Variants in PTPRK observed in about 807,000 individuals in gnomAD.
The protein encoded by PTPRK is protein tyrosine phosphatase receptor type K.
A neutral mutation model predicts 178.0 loss-of-function variants in PTPRK; 75 were observed. That is an observed-to-expected ratio of 0.42 (90% CI 0.35 to 0.51). The LOEUF is 0.51. Ranked by LOEUF, PTPRK falls within the 20% of genes least tolerant of loss-of-function variation. The pLI, the probability that PTPRK is intolerant of heterozygous loss-of-function variation, is 0.02. For synonymous variants in PTPRK, 637 were observed against 620.6 expected, an observed-to-expected ratio of 1.03 and a Z score of -0.39; for missense variants, 1,441 against 1,797.8, an observed-to-expected ratio of 0.80 and a Z score of 3.59.
intron 8 of PTPRK, 26 bp from the exon 9 acceptor site, chr6:128,083,850 A>G (rs1481323521): frequency 7.4e-7 from 1 of 1,345,846 alleles, no homozygotes; most frequent in South Asian, 1.5e-5. Flanking sequence ...ATTTTTTGTT[A>G]TGAAAATGCT....
chr6:128,141,768 T>C (rs1021646472), intron 7 of PTPRK, among the ~76,000 whole-genome samples: 4 of 152,002 alleles, frequency 2.6e-5, no homozygotes, highest in Admixed American at 1.3e-4. Flanking sequence ...CATTTCCTCT[T>C]GGGCTTGGGT....
chr6:128,471,225 T>C (rs949151880), intron 1 of PTPRK, among the ~76,000 whole-genome samples: 1 of 152,064 alleles, frequency 6.6e-6, no homozygotes. Context: ...CTGTAAGAAA[T>C]ATGCCACACA....
intron 13 of PTPRK, among the ~76,000 whole-genome samples, chr6:128,054,305 C>T (rs1016185744): frequency 6.6e-6 from 1 of 152,194 alleles, no homozygotes; most frequent in Non-Finnish European, 1.5e-5. Context: ...TTTAATGTTA[C>T]TTCCTCCATA....
chr6:128,130,678 G>A (rs1161222724), intron 7 of PTPRK, among the ~76,000 whole-genome samples: 1 of 152,084 alleles, frequency 6.6e-6, no homozygotes, highest in African/African-American at 2.4e-5. Context: ...ACTCTCCAAG[G>A]CATATTTTGA....
intron 2 of PTPRK, among the ~76,000 whole-genome samples, chr6:128,328,435 G>C (rs1829852489): frequency 6.6e-6 from 1 of 152,120 alleles, no homozygotes; most frequent in Admixed American, 6.6e-5. Context: ...GAACAATTGA[G>C]GCAGCACTAG....
At chr6:128,223,249 A>G (rs1321443608) in intron 5 of PTPRK, among the ~76,000 whole-genome samples, 1 of 152,032 alleles carries the variant, frequency 6.6e-6, no homozygotes, top group African/African-American at 2.4e-5. Context: ...TTCACTGAAC[A>G]TTTTAGAGAC....
intron 6 of PTPRK, among the ~76,000 whole-genome samples, chr6:128,210,420 A>G (rs1318229814): frequency 1.4e-5 from 2 of 146,202 alleles, no homozygotes; most frequent in Admixed American, 1.4e-4. Flanking sequence ...TGTACTAGAA[A>G]ATAATTGCCA....
chr6:128,304,828 C>T (rs1826136337), intron 3 of PTPRK, among the ~76,000 whole-genome samples: 1 of 152,110 alleles, frequency 6.6e-6, no homozygotes, highest in Non-Finnish European at 1.5e-5. Flanking sequence ...ACTGATAAAA[C>T]CTAGAAGAGA....
intron 2 of PTPRK, among the ~76,000 whole-genome samples, chr6:128,380,535 G>GAC (rs1210244092): frequency 7.5e-5 from 5 of 66,300 alleles, no homozygotes; most frequent in Non-Finnish European, 1.6e-4. Flanking sequence ...CCTACACACA[G>GAC]ACATACACAC....
chr6:128,245,482 G>C (rs1815289369), intron 3 of PTPRK, among the ~76,000 whole-genome samples: 1 of 152,140 alleles, frequency 6.6e-6, no homozygotes, highest in Admixed American at 6.5e-5. Context: ...ATGAGATAAG[G>C]TAAGCCGCTG....
At chr6:128,426,596 T>C (rs1844168773) in intron 1 of PTPRK, among the ~76,000 whole-genome samples, 1 of 152,206 alleles carries the variant, frequency 6.6e-6, no homozygotes, top group Admixed American at 6.5e-5. Context: ...ATGAATGAAA[T>C]ATTTAAAATC....
At chr6:128,362,235 A>G (rs972384189) in intron 2 of PTPRK, among the ~76,000 whole-genome samples, 1 of 152,144 alleles carries the variant, frequency 6.6e-6, no homozygotes, top group Non-Finnish European at 1.5e-5. Flanking sequence ...TGAAAGTGGG[A>G]GCAAGGGAGG....
Position 128,396,774 on chromosome 6 carries a change from C to T in PTPRK, c.223+792G>A, listed in dbSNP as rs189847519. On this transcript the variant is annotated intron_variant, in intron 2 of 29. Coordinates refer to ENST00000368226, the MANE Select transcript of PTPRK (RefSeq NM_002844.4). ...CAGCAGTTTGGGAGGCCGAGGCGGG[C>T]GGATCACGAGGTCAGGAGTTCGAGA... 1.1e-3 allele frequency among the ~76,000 whole-genome samples: 161 copies of T among 152,028 alleles called. 1 individual carries two copies. In the East Asian group the frequency reaches 0.023, roughly 22 times the overall value.
intron 13 of PTPRK, among the ~76,000 whole-genome samples, chr6:128,037,833 CT>C (rs1219890012): frequency 1.3e-5 from 2 of 152,136 alleles, no homozygotes; most frequent in Admixed American, 6.5e-5. Flanking sequence ...GTATAACATT[CT>C]TCTATTTGTC....
At chr6:128,162,711 C>T (rs1444570701) in intron 7 of PTPRK, among the ~76,000 whole-genome samples, 1 of 151,622 alleles carries the variant, frequency 6.6e-6, no homozygotes, top group Admixed American at 6.6e-5. Flanking sequence ...AAACAAATTG[C>T]AGGAAGCTAC....
chr6:128,368,390 A>G (rs1244103006), intron 2 of PTPRK, among the ~76,000 whole-genome samples: 4 of 122,234 alleles, frequency 3.3e-5, no homozygotes, highest in Non-Finnish European at 8.0e-5. Flanking sequence ...GTTAAAAAAG[A>G]AAAAAAAAAA....
chr6:128,153,204 C>G (rs2114569520), intron 7 of PTPRK, among the ~76,000 whole-genome samples: 1 of 151,410 alleles, frequency 6.6e-6, no homozygotes, highest in Middle Eastern at 3.4e-3. Context: ...AAATCAAAAT[C>G]AAAGAAAGAC....
chr6:128,008,725 T>C (rs1778712441), intron 14 of PTPRK, among the ~76,000 whole-genome samples: 1 of 151,128 alleles, frequency 6.6e-6, no homozygotes, highest in Non-Finnish European at 1.5e-5. Context: ...CATATCTTAT[T>C]TGTAGCCAAG....
intron 1 of PTPRK, among the ~76,000 whole-genome samples, chr6:128,480,944 A>C (rs984840792): frequency 5.9e-5 from 9 of 152,152 alleles, no homozygotes; most frequent in Non-Finnish European, 1.3e-4. Context: ...CCAGTGCTAT[A>C]ATCCCTCTTC....
Sources: allele counts gnomAD v4.1 joint callset (sites outside exome capture counted in the v4.1 genomes callset), GRCh38; gene constraint gnomAD v4.1.1; transcripts MANE v1.5; gene names NCBI Gene and HGNC (gene_info 2026-07-23, HGNC 2026-07-21).